The following C1R variants were observed in gnomAD, a reference collection of about 807,000 sequenced individuals.
C1R encodes complement C1r.
A neutral mutation model predicts 27.6 loss-of-function variants in C1R; 15 were observed. The observed-to-expected ratio is 0.54, with a 90% CI of 0.36 to 0.84. The LOEUF is 0.84. Ranked by LOEUF, C1R falls within the 40% of genes least tolerant of loss-of-function variation. C1R has a pLI of 0.01. For synonymous variants in C1R, 253 were observed against 228.8 expected (o/e 1.11, Z -0.95); for missense variants, 544 against 577.9 (o/e 0.94, Z 0.60).
chr12:7,090,410 G>A, intron 2 of C1R, 162 bp from the exon 3 acceptor site: 1 of 603,264 alleles, frequency 1.7e-6, no homozygotes, highest in Non-Finnish European at 2.9e-6. Context: ...ACTTCCCCAT[G>A]TGACTTTCAG....
chr12:7,081,205 T>C lies in C1R; in HGVS notation c.1445A>G (p.Asn482Ser). 1 of 1,613,526 alleles carries C rather than the reference T, an allele frequency of 6.2e-7. No homozygotes were observed. The highest frequency in any genetic ancestry group is 8.5e-7 in the Non-Finnish European group (1 of 1,179,666). Reference sequence around the variant, plus strand: ...GGCCCCGCCCCCGCGCCCGTGGATGTTGGTGAACACCTGCCAGGGGAAGTT... The same window carrying C: ...GGCCCCGCCCCCGCGCCCGTGGATGCTGGTGAACACCTGCCAGGGGAAGTT... ...MGNFPWQVFT[N>S]IHGRGGGALL... The change falls in exon 11 of 11, where the codon AAC (asparagine) becomes AGC (serine). Residue 482 changes from asparagine (N) to serine (S), a missense_variant. Around this residue, in one of 2 missense-constraint regions of C1R, gnomAD observed 253 missense variants for 368.9 expected, o/e 0.69. Transcript: ENST00000647956.
rs1938241733 is a variant in C1R at position 7,090,185 on chromosome 12, G to C, written c.295C>G (p.Pro99Ala). The C allele has an allele frequency of 1.3e-6, 1 of 755,880 alleles. No homozygotes were observed. The highest frequency in any genetic ancestry group is 2.5e-6 in the Non-Finnish European group (1 of 404,894). 46.8% of individuals were successfully genotyped at this position (755,880 alleles called of 1,614,324 possible). The change falls in exon 3 of 11, where the codon CCC becomes GCC. Residue 99 changes from proline (P) to alanine (A), a missense_variant. By Grantham distance (27) the Pro-to-Ala change is conservative. Transcript: ENST00000647956. ...GACATAAATTCCTTCTTTCCCGGGGGGTTGCCCAGTGGAGAACCCAGTTGC... is the reference window on the plus strand; with the variant it reads ...GACATAAATTCCTTCTTTCCCGGGGCGTTGCCCAGTGGAGAACCCAGTTGC... Reference protein sequence around the residue: ...CGQLGSPLGNPPGKKEFMSQG... With the variant: ...CGQLGSPLGNAPGKKEFMSQG...
chr12:7,089,397 A>G lies in C1R; in HGVS notation c.664T>C (p.Tyr222His), dbSNP rs760052651. ...RSYPPDLRCN[Y>H]SIRVERGLTL... ...AGGCCCCGCTCCACCCGGATGCTGTAGTTGCAGCGCAGGTCAGGGGGGTAG... is the reference window on the plus strand; with the variant it reads ...AGGCCCCGCTCCACCCGGATGCTGTGGTTGCAGCGCAGGTCAGGGGGGTAG... The change falls in exon 5 of 11, where the codon TAC (tyrosine) becomes CAC (histidine). Residue 222 changes from tyrosine (Y) to histidine (H), a missense_variant. Tyr to His is a moderately conservative substitution (Grantham distance 83). Around this residue, in one of 2 missense-constraint regions of C1R, gnomAD observed 291 missense variants for 209.0 expected, o/e 1.39. Coordinates refer to ENST00000647956, the MANE Select transcript of C1R (RefSeq NM_001733.7). 1.3e-6 allele frequency: 1 copy of G among 780,680 alleles called. No homozygotes were observed. Among genetic ancestry groups the G allele is most frequent in the Non-Finnish European group, 2.4e-6 (1 of 417,882 alleles). 48.4% of individuals were successfully genotyped at this position (780,680 alleles called of 1,614,324 possible). A position where few individuals can be genotyped will look rare whatever the true frequency, so the allele number is the denominator to read the frequency against.
intron 7 of C1R, 98 bp downstream of exon 7, chr12:7,088,512 A>T: frequency 2.8e-6 from 2 of 717,462 alleles, no homozygotes; most frequent in Non-Finnish European, 5.2e-6. Context: ...AACGTCTACG[A>T]CTCCAGCTGG....
At chr12:7,085,481 G>A (rs1938141018) in intron 9 of C1R, among the ~76,000 whole-genome samples, 1 of 151,860 alleles carries the variant, frequency 6.6e-6, no homozygotes, top group African/African-American at 2.4e-5. Flanking sequence ...AATGGTAACA[G>A]TGTTGATTGT....
chr12:7,080,546 C>T lies in C1R; in HGVS notation c.2104G>A (p.Glu702Lys). 6.4e-7 allele frequency: 1 copy of T among 1,569,820 alleles called. No individual in the cohort carries two copies. The highest frequency in any genetic ancestry group is 8.7e-7 in the Non-Finnish European group (1 of 1,154,592). ...GAATTCTGGGCTCAGTCCTCCTCCT[C>T]CATCTCTTTCTTGATCCAGTCCACG... ...NYVDWIKKEM[E>K]EED Residue 702 changes from glutamate (E) to lysine (K), a missense_variant, in exon 11 of 11, where the codon GAG becomes AAG. Physicochemically the swap from Glu to Lys is moderately conservative, Grantham distance 56. Around this residue, in one of 2 missense-constraint regions of C1R, gnomAD observed 253 missense variants for 368.9 expected, o/e 0.69. Coordinates refer to ENST00000647956, the MANE Select transcript of C1R (RefSeq NM_001733.7). This position sits in a 1 kb window ranked among gnomAD's most constrained non-coding sequence, Gnocchi z 4.9.
In C1R at chr12:7,089,571, C is replaced by T. The variant is rs748580260; in HGVS notation, c.571+16G>A. 1 of 780,864 alleles carries T rather than the reference C, an allele frequency of 1.3e-6. No individual in the cohort carries two copies. Among genetic ancestry groups the T allele is most frequent in the Non-Finnish European group, 2.4e-6 (1 of 417,982 alleles). 48.4% of individuals were successfully genotyped at this position (780,864 alleles called of 1,614,324 possible). A position where few individuals can be genotyped will look rare whatever the true frequency, so the allele number is the denominator to read the frequency against. ...TGGCTCAACCCCTTCCCCTCTGCTACACCACTCTGGCTCACCCTGGCAGGA... is the reference window on the plus strand; with the variant it reads ...TGGCTCAACCCCTTCCCCTCTGCTATACCACTCTGGCTCACCCTGGCAGGA... On this transcript the variant is annotated intron_variant, in intron 4 of 10. Coordinates refer to ENST00000647956, the MANE Select transcript of C1R (RefSeq NM_001733.7).
chr12:7,088,385 G>C, intron 7 of C1R: 1 of 700,520 alleles, frequency 1.4e-6, no homozygotes, highest in East Asian at 2.7e-5. Context: ...GAGTGCAGTG[G>C]CTATTCACAG....
Position 7,091,382 on chromosome 12 carries a change from A to G in C1R, c.231+70T>C. On this transcript the variant is annotated intron_variant, in intron 2 of 10. Transcript: ENST00000647956. This position sits in a 1 kb window ranked among gnomAD's most constrained non-coding sequence, Gnocchi z 5.1. The stretch of plus-strand genomic sequence containing the variant: ...GGCTGGGCTGTGTCTGGGGGTGTGC[A>G]TGCCATACAGATCCCAGATCCCAGA... The G allele has an allele frequency of 1.4e-6, 1 of 706,354 alleles. No homozygotes were observed. The highest frequency in any genetic ancestry group is 2.7e-5 in the East Asian group (1 of 37,252). 43.8% of individuals were successfully genotyped at this position (706,354 alleles called of 1,614,324 possible).
chr12:7,090,331 T>C (rs1938246522), intron 2 of C1R, 83 bp from the exon 3 acceptor site: 2 of 657,434 alleles, frequency 3.0e-6, no homozygotes, highest in South Asian at 3.5e-5. Flanking sequence ...CCTCCTTGTC[T>C]CGCCCAGAGT....
chr12:7,086,201 A>G (rs1309099012), intron 8 of C1R, among the ~76,000 whole-genome samples, 178 bp downstream of exon 8: 7 of 152,186 alleles, frequency 4.6e-5, no homozygotes, highest in African/African-American at 7.2e-5. Flanking sequence ...GAGCCCATCC[A>G]TCCCACTGAG....
At position 7,085,008 on chromosome 12, in the gene C1R, A is replaced by G. The variant is rs1397955814; in HGVS notation, c.1273+853T>C. ...GGTGTTGGTGGTGATGGTGGTGGTG[A>G]TGGTGGTGTTGGTAATGGTGGTGGT... On this transcript the variant is annotated intron_variant, in intron 9 of 10. Coordinates refer to ENST00000647956, the MANE Select transcript of C1R (RefSeq NM_001733.7). Among the ~76,000 whole-genome samples the G allele has an allele frequency of 5.6e-4, 69 of 122,688 alleles. 2 individuals carry two copies. The highest frequency in any genetic ancestry group is 1.2e-3 in the African/African-American group (37 of 30,180). The allele number at this position is 122,688 out of a possible 152,430, so 80.5% of individuals were successfully genotyped here.
At chr12:7,082,907 G>T (rs1938089282) in intron 9 of C1R, among the ~76,000 whole-genome samples, 5 of 152,206 alleles carry the variant, frequency 3.3e-5, no homozygotes, top group African/African-American at 9.6e-5. Context: ...TAAATAATTT[G>T]CACAGGGTCA....
At position 7,089,407 on chromosome 12, in the gene C1R, C is replaced by G. The variant is rs762077783; in HGVS notation, c.654G>C (p.Leu218=). The G allele has an allele frequency of 1.3e-6, 1 of 780,524 alleles. No homozygotes were observed. Among genetic ancestry groups the G allele is most frequent in the Non-Finnish European group, 2.4e-6 (1 of 417,818 alleles). The allele number at this position is 780,524 out of a possible 1,614,324, so 48.3% of individuals were successfully genotyped here. ...CCACCCGGATGCTGTAGTTGCAGCG[C>G]AGGTCAGGGGGGTAGGACCGAGGGT... The part of the protein sequence containing the change: ...LEYPRSYPPD[L]RCNYSIRVER... Residue 218 remains leucine (L), a synonymous_variant, in exon 5 of 11, where the codon CTG becomes CTC. Coordinates refer to ENST00000647956, the MANE Select transcript of C1R (RefSeq NM_001733.7).
chr12:7,081,312 G>A lies in C1R; in HGVS notation c.1349-11C>T, dbSNP rs986006113. On this transcript the variant is annotated splice_polypyrimidine_tract_variant and intron_variant, in intron 10 of 10. Transcript: ENST00000647956. ...CGGGCTTCCCACACACTGAGGGAGA[G>A]ACAGGGAAGACAAGGGCAAGTCAGT... 18 of 1,604,830 alleles carry A rather than the reference G, an allele frequency of 1.1e-5. No homozygotes were observed. The highest frequency in any genetic ancestry group is 1.3e-5 in the African/African-American group (1 of 74,726).
At position 7,080,695 on chromosome 12, in the gene C1R, C is replaced by T. The variant is rs1938039713; in HGVS notation, c.1955G>A (p.Gly652Glu). 6.2e-7 allele frequency: 1 copy of T among 1,613,846 alleles called. No homozygotes were observed. ...TACTGCAAAAACGCCCCCACTATCC[C>T]CCTGGCAGGCGTCCTGCTTTAGAGA... ...HPSLKQDACQ[G>E]DSGGVFAVRD... Residue 652 changes from glycine to glutamate, a missense_variant, in exon 11 of 11, where the codon GGG (glycine) becomes GAG (glutamate). Gly to Glu is a moderately conservative substitution (Grantham distance 98). Transcript: ENST00000647956. The surrounding 1 kb of genome is among the most constrained non-coding windows in gnomAD (Gnocchi z 4.9).
At chr12:7,090,574 T>C (rs73266762) in intron 2 of C1R, among the ~76,000 whole-genome samples, 16,000 of 152,262 alleles carry the variant, frequency 0.11, 1,767 homozygotes, top group African/African-American at 0.28. Flanking sequence ...CCTGGTTGTC[T>C]GTACCCAGCC....
Position 7,090,182 on chromosome 12 carries a change from G to C in C1R, c.298C>G (p.Pro100Ala). 1.3e-6 allele frequency: 1 copy of C among 757,522 alleles called. No individual in the cohort carries two copies. The highest frequency in any genetic ancestry group is 2.5e-6 in the Non-Finnish European group (1 of 405,840). The allele number at this position is 757,522 out of a possible 1,614,324, so 46.9% of individuals were successfully genotyped here. Residue 100 changes from proline (P) to alanine (A), a missense_variant, in exon 3 of 11, where the codon CCG becomes GCG. Pro to Ala is a conservative substitution (Grantham distance 27). Coordinates refer to ENST00000647956, the MANE Select transcript of C1R (RefSeq NM_001733.7). ...TGGGACATAAATTCCTTCTTTCCCG[G>C]GGGGTTGCCCAGTGGAGAACCCAGT... ...GQLGSPLGNP[P>A]GKKEFMSQGN...
Position 7,088,969 on chromosome 12 carries a change from C to A in C1R, c.786G>T (p.Lys262Asn). The change falls in exon 6 of 11, where the codon AAG (lysine) becomes AAT (asparagine). Residue 262 changes from lysine to asparagine, a missense_variant. By Grantham distance (94) the Lys-to-Asn change is moderately conservative (BLOSUM62 0). Coordinates refer to ENST00000647956, the MANE Select transcript of C1R (RefSeq NM_001733.7). ...YDQLQIYANGKNIGEFCGKQR... is the reference protein window; with the variant it reads ...YDQLQIYANGNNIGEFCGKQR... ...GCTTCCCACAGAACTCGCCAATGTT[C>A]TTCCCGTTGGCATAGATCTAGTAGG... is the stretch of plus-strand genomic sequence containing the variant. The A allele has an allele frequency of 1.3e-6, 1 of 748,390 alleles. No individual in the cohort carries two copies. Among genetic ancestry groups the A allele is most frequent in the South Asian group, 1.4e-5 (1 of 69,760 alleles). 46.4% of individuals were successfully genotyped at this position (748,390 alleles called of 1,614,324 possible). A position where few individuals can be genotyped will look rare whatever the true frequency, so the allele number is the denominator to read the frequency against.
Sources: allele counts gnomAD v4.1 joint callset (sites outside exome capture counted in the v4.1 genomes callset), GRCh38; gene constraint gnomAD v4.1.1; regional missense constraint gnomAD v4.1.1; non-coding constraint Gnocchi (gnomAD v3.1); transcripts MANE v1.5; gene names NCBI Gene and HGNC (gene_info 2026-07-23, HGNC 2026-07-21).